Variants in CSMD1 observed in about 807,000 individuals in gnomAD.
CSMD1 encodes CUB and sushi domain-containing protein 1.
CSMD1 carries 213 observed loss-of-function variants against 417.5 expected under a neutral mutation model. The ratio of observed to expected loss-of-function variants is 0.51; its 90% CI spans 0.46 to 0.57. The LOEUF (loss-of-function observed/expected upper bound fraction) is 0.57, where lower values mean the gene tolerates loss of function less well. Among genes scored for constraint, CSMD1 ranks in the 20% least tolerant of loss-of-function variants. CSMD1 has a pLI of 0.00. For synonymous variants in CSMD1, 2,862 were observed against 1,736.8 expected (o/e 1.65, Z -16.11); for missense variants, 6,923 against 4,529.7 (o/e 1.53, Z -15.17).
At chr8:3,007,802 G>A (rs1286181011) in intron 52 of CSMD1, among the ~76,000 whole-genome samples, 1 of 149,080 alleles carries the variant, frequency 6.7e-6, no homozygotes, top group African/African-American at 2.5e-5. Context: ...GGATAGCATC[G>A]GGAGATATAC....
chr8:4,245,484 C>T (rs894186393), intron 3 of CSMD1, among the ~76,000 whole-genome samples: 2 of 152,100 alleles, frequency 1.3e-5, no homozygotes, highest in African/African-American at 4.8e-5. Context: ...AACAAAAACT[C>T]TTCATGAAGA....
chr8:3,661,387 T>A lies in CSMD1; in HGVS notation c.1010-44590A>T, dbSNP rs56021530. On this transcript the variant is annotated intron_variant, in intron 7 of 69. Transcript: ENST00000635120. ...GCAGATTTCTGTATGTTACTTCCCT[T>A]TTTTTGTGTATAAATCTTCTTCCAC... Among the ~76,000 whole-genome samples the A allele has an allele frequency of 9.4e-3, 1,436 of 152,232 alleles. 13 individuals are homozygous for A. Among genetic ancestry groups the A allele is most frequent in the Middle Eastern group, 0.027 (8 of 294 alleles).
chr8:4,319,364 T>A (rs1799126998), intron 3 of CSMD1, among the ~76,000 whole-genome samples: 1 of 152,116 alleles, frequency 6.6e-6, no homozygotes, highest in Non-Finnish European at 1.5e-5. Context: ...TTTTGCTGAA[T>A]GTTTCTTTGA....
At chr8:4,620,204 T>G (rs1801692444) in intron 2 of CSMD1, among the ~76,000 whole-genome samples, 1 of 151,670 alleles carries the variant, frequency 6.6e-6, no homozygotes, top group Admixed American at 6.6e-5. Context: ...AAATTTAAGG[T>G]AATATGGAGA....
chr8:4,013,696 T>A (rs1402118223), intron 4 of CSMD1, among the ~76,000 whole-genome samples: 1 of 152,246 alleles, frequency 6.6e-6, no homozygotes, highest in African/African-American at 2.4e-5. Flanking sequence ...GTTTTGTTCA[T>A]ATTGTAGCCC....
chr8:4,337,816 A>G (rs763637556), intron 3 of CSMD1, among the ~76,000 whole-genome samples: 37 of 152,320 alleles, frequency 2.4e-4, no homozygotes, highest in Middle Eastern at 6.8e-3. Flanking sequence ...TCAGTAGAAT[A>G]AATCAGGTAA....
At chr8:4,323,389 C>T (rs1799378621) in intron 3 of CSMD1, among the ~76,000 whole-genome samples, 1 of 152,252 alleles carries the variant, frequency 6.6e-6, no homozygotes, top group Non-Finnish European at 1.5e-5. Flanking sequence ...CATGGCCTTC[C>T]TAATTTCACA....
At chr8:3,244,551 C>G (rs1019881948) in intron 26 of CSMD1, among the ~76,000 whole-genome samples, 1 of 152,156 alleles carries the variant, frequency 6.6e-6, no homozygotes, top group Non-Finnish European at 1.5e-5. Flanking sequence ...CGCCTCTAAC[C>G]TAGGTCGCTG....
chr8:3,653,381 T>G (rs1341576580), intron 7 of CSMD1, among the ~76,000 whole-genome samples: 1 of 152,154 alleles, frequency 6.6e-6, no homozygotes, highest in African/African-American at 2.4e-5. Flanking sequence ...TGATCTCGGC[T>G]CATTGCAACC....
chr8:3,921,288 GTCTTC>G (rs1809240183), intron 5 of CSMD1, among the ~76,000 whole-genome samples: 1 of 151,900 alleles, frequency 6.6e-6, no homozygotes, highest in South Asian at 2.1e-4. Context: ...CTAATTTTGA[GTCTTC>G]TCTTTTCTAC....
intron 27 of CSMD1, among the ~76,000 whole-genome samples, chr8:3,226,102 G>T (rs566741659): frequency 2.0e-5 from 3 of 152,140 alleles, no homozygotes; most frequent in African/African-American, 7.2e-5. Flanking sequence ...TGTTCACACC[G>T]TTGGGGGCGA....
chr8:4,215,377 G>C (rs553332993), intron 3 of CSMD1, among the ~76,000 whole-genome samples: 2 of 152,074 alleles, frequency 1.3e-5, no homozygotes, highest in Non-Finnish European at 2.9e-5. Flanking sequence ...ATTTTAGATA[G>C]AACATGAATA....
rs781055191 is a variant in CSMD1 at position 4,637,299 on chromosome 8, A to T, written c.302+43T>A. ...TCCAACTAGATTTCATAATCTGTGT[A>T]TTCAAACAGTGCTAACTGTAATATA... On this transcript the variant is annotated intron_variant, in intron 2 of 69. Coordinates refer to ENST00000635120, the MANE Select transcript of CSMD1 (RefSeq NM_033225.6). 3.8e-5 allele frequency: 54 copies of T among 1,432,504 alleles called. 1 individual carries two copies. The highest frequency in any genetic ancestry group is 5.3e-5 in the Non-Finnish European group (54 of 1,023,238). The allele number at this position is 1,432,504 out of a possible 1,614,324, so 88.7% of individuals were successfully genotyped here.
chr8:4,114,582 T>C (rs987159989), intron 3 of CSMD1, among the ~76,000 whole-genome samples: 3 of 151,996 alleles, frequency 2.0e-5, no homozygotes, highest in Admixed American at 1.3e-4. Flanking sequence ...TCTATAGCTT[T>C]CATAGGTAGG....
chr8:3,858,475 G>C (rs1007700593), intron 5 of CSMD1, among the ~76,000 whole-genome samples: 1 of 152,006 alleles, frequency 6.6e-6, no homozygotes, highest in Non-Finnish European at 1.5e-5. Flanking sequence ...TCTATCTTTA[G>C]ATAATAATTC....
intron 1 of CSMD1, among the ~76,000 whole-genome samples, chr8:4,756,321 G>A (rs929586557): frequency 2.0e-5 from 3 of 152,110 alleles, no homozygotes; most frequent in Non-Finnish European, 4.4e-5. Context: ...AAGATTTCCA[G>A]AAACACCATA....
chr8:4,908,372 T>C (rs1056197654), intron 1 of CSMD1, among the ~76,000 whole-genome samples: 1 of 152,218 alleles, frequency 6.6e-6, no homozygotes, highest in African/African-American at 2.4e-5. Flanking sequence ...TTCTCTGACC[T>C]TCTTGGTTCT....
At chr8:3,865,043 C>T (rs945233913) in intron 5 of CSMD1, among the ~76,000 whole-genome samples, 1 of 152,150 alleles carries the variant, frequency 6.6e-6, no homozygotes, top group Non-Finnish European at 1.5e-5. Flanking sequence ...GTAAGACATG[C>T]TTTGATTCTA....
chr8:4,228,576 TTC>T (rs1801509584), intron 3 of CSMD1, among the ~76,000 whole-genome samples: 1 of 146,598 alleles, frequency 6.8e-6, no homozygotes, highest in Admixed American at 6.9e-5. Context: ...GGCAATTCTC[TTC>T]TCTGTCAGAT....
Sources: gnomAD v4.1 joint callset for allele counts (sites outside exome capture counted in the v4.1 genomes callset) on GRCh38, gnomAD v4.1.1 for gene constraint, MANE v1.5 for transcripts, NCBI Gene and HGNC (gene_info 2026-07-23, HGNC 2026-07-21) for gene names.